The following CNTN5 variants were observed in gnomAD, a reference collection of about 807,000 sequenced individuals.
The protein encoded by CNTN5 is contactin 5, also known as contactin-5.
CNTN5 carries 77 observed loss-of-function variants against 129.1 expected under a neutral mutation model. The observed-to-expected ratio is 0.60, with a 90% CI of 0.50 to 0.72. CNTN5 has a LOEUF of 0.72. CNTN5 is among the 30% of genes least tolerant of loss of function. CNTN5 has a pLI of 0.00. For missense variants in CNTN5, 1,478 were observed against 1,328.8 expected (o/e 1.11, Z -1.75); for synonymous variants, 509 against 465.6 (o/e 1.09, Z -1.20).
In CNTN5 at chr11:100,053,505, T is replaced by C. The variant is rs367709713; in HGVS notation, c.981-7707T>C. ...GTTGTTAGTCATCAGGCAATATAAA[T>C]TGAAACCACACTTTAGTATCACTAC... On this transcript the variant is annotated intron_variant, in intron 9 of 24. Coordinates refer to ENST00000524871, the MANE Select transcript of CNTN5 (RefSeq NM_014361.4). Among the ~76,000 whole-genome samples, 6 of 151,798 alleles carry C rather than the reference T, an allele frequency of 4.0e-5. No individual in the cohort carries two copies. The East Asian group carries it at 9.7e-4, about 24-fold the overall frequency.
intron 3 of CNTN5, among the ~76,000 whole-genome samples, chr11:99,661,706 T>C (rs1032228424): frequency 2.0e-5 from 3 of 152,068 alleles, no homozygotes; most frequent in African/African-American, 4.8e-5. Flanking sequence ...TATACACATA[T>C]AGTAACTTTA....
At chr11:100,104,799 G>A (rs749338959) in intron 13 of CNTN5, among the ~76,000 whole-genome samples, 17 of 152,066 alleles carry the variant, frequency 1.1e-4, no homozygotes, top group Non-Finnish European at 1.6e-4. Flanking sequence ...ACCTGAATAT[G>A]CTTACTGTAC....
At chr11:99,948,346 C>A (rs1401015784) in intron 7 of CNTN5, among the ~76,000 whole-genome samples, 1 of 152,112 alleles carries the variant, frequency 6.6e-6, no homozygotes, top group Non-Finnish European at 1.5e-5. Flanking sequence ...GGTCTCTACC[C>A]AGCAGGCCAC....
intron 21 of CNTN5, chr11:100,337,154 C>A (rs1591525074): frequency 2.1e-6 from 3 of 1,431,448 alleles, no homozygotes; most frequent in East Asian, 4.6e-5. Flanking sequence ...ACAGCTGCAC[C>A]CATGAATGTT....
chr11:100,284,347 T>C (rs1397908240), intron 18 of CNTN5, among the ~76,000 whole-genome samples: 1 of 152,230 alleles, frequency 6.6e-6, no homozygotes, highest in Non-Finnish European at 1.5e-5. Flanking sequence ...ATCTCCTATA[T>C]TTAAGCTATA....
At chr11:100,317,676 A>C (rs958229242) in intron 21 of CNTN5, among the ~76,000 whole-genome samples, 1 of 152,220 alleles carries the variant, frequency 6.6e-6, no homozygotes, top group Non-Finnish European at 1.5e-5. Context: ...TAATATTTCA[A>C]TTGTTTAACC....
intron 3 of CNTN5, among the ~76,000 whole-genome samples, chr11:99,644,094 CAT>C: frequency 6.6e-6 from 1 of 152,312 alleles, no homozygotes; most frequent in East Asian, 1.9e-4. Flanking sequence ...CTTACACCTT[CAT>C]GTGTTAGCCT....
intron 17 of CNTN5, 66 bp downstream of exon 17, chr11:100,255,984 G>T: frequency 7.1e-7 from 1 of 1,418,314 alleles, no homozygotes; most frequent in Non-Finnish European, 9.7e-7. Context: ...GCTATATTTG[G>T]CTAAGGTCTT....
chr11:99,976,997 A>G (rs1241800880), intron 8 of CNTN5, among the ~76,000 whole-genome samples: 1 of 152,232 alleles, frequency 6.6e-6, no homozygotes, highest in Non-Finnish European at 1.5e-5. Context: ...TTGTAAACTC[A>G]TATGACTGGC....
chr11:100,181,085 A>G (rs1948126843), intron 13 of CNTN5, among the ~76,000 whole-genome samples: 1 of 152,048 alleles, frequency 6.6e-6, no homozygotes, highest in East Asian at 1.9e-4. Context: ...ACTTATGTTC[A>G]CATAAATATC....
At chr11:99,731,214 T>G (rs1943522218) in intron 3 of CNTN5, among the ~76,000 whole-genome samples, 2 of 151,946 alleles carry the variant, frequency 1.3e-5, no homozygotes, top group South Asian at 4.1e-4. Flanking sequence ...TTCACGCCAT[T>G]CTCCTGCCTC....
intron 3 of CNTN5, among the ~76,000 whole-genome samples, chr11:99,808,738 G>A (rs985725352): frequency 6.6e-6 from 1 of 151,994 alleles, no homozygotes; most frequent in Non-Finnish European, 1.5e-5. Flanking sequence ...GCCAAAGCTC[G>A]ATTCAAATTT....
At chr11:99,177,937 G>T (rs530113918) in intron 1 of CNTN5, among the ~76,000 whole-genome samples, 2 of 152,276 alleles carry the variant, frequency 1.3e-5, no homozygotes, top group South Asian at 4.1e-4. Flanking sequence ...AGCAGCAGCA[G>T]TCAACTTTGT....
At chr11:99,878,359 T>C (rs1046237540) in intron 6 of CNTN5, among the ~76,000 whole-genome samples, 1 of 152,198 alleles carries the variant, frequency 6.6e-6, no homozygotes, top group African/African-American at 2.4e-5. Flanking sequence ...GGAAAGCTAC[T>C]AATGGCATGT....
At chr11:99,721,090 C>G (rs895212958) in intron 3 of CNTN5, among the ~76,000 whole-genome samples, 3 of 152,080 alleles carry the variant, frequency 2.0e-5, no homozygotes, top group Non-Finnish European at 2.9e-5. Flanking sequence ...TTCAATGCTA[C>G]TCCTGTCAAA....
chr11:100,243,349 T>A (rs940045201), intron 16 of CNTN5, among the ~76,000 whole-genome samples: 2 of 152,174 alleles, frequency 1.3e-5, no homozygotes, highest in African/African-American at 4.8e-5. Context: ...AGTTGATACA[T>A]CAACCAGCTG....
chr11:99,310,217 C>A (rs1865051330), intron 1 of CNTN5, among the ~76,000 whole-genome samples: 1 of 152,042 alleles, frequency 6.6e-6, no homozygotes, highest in Admixed American at 6.6e-5. Context: ...ACATACAATG[C>A]TGATTAATAA....
At position 99,105,400 on chromosome 11, in the gene CNTN5, GC is replaced by G. The variant is rs1352062106; in HGVS notation, c.-210+84131del. Among the ~76,000 whole-genome samples, 3 of 152,118 alleles carry G rather than the reference GC, an allele frequency of 2.0e-5. No homozygotes were observed. The East Asian group carries it at 5.8e-4, about 29-fold the overall frequency. Reference sequence around the variant, plus strand: ...GTTATGTCCTGGACATGATAAGTGAGCTAAACTGTACTAACTACCATAAATG... The same window carrying G: ...GTTATGTCCTGGACATGATAAGTGAGTAAACTGTACTAACTACCATAAATG... On this transcript the variant is annotated intron_variant, in intron 1 of 24. Coordinates refer to ENST00000524871, the MANE Select transcript of CNTN5 (RefSeq NM_014361.4).
intron 2 of CNTN5, among the ~76,000 whole-genome samples, chr11:99,382,845 C>CATTTTTTTTTT (rs1417732458): frequency 3.2e-4 from 25 of 77,046 alleles, no homozygotes; most frequent in African/African-American, 6.8e-4. Context: ...CTCTAAATAA[C>CATTTTTTTTTT]TTTTTTTTTT....
Sources: gnomAD v4.1 joint callset for allele counts (sites outside exome capture counted in the v4.1 genomes callset) on GRCh38, gnomAD v4.1.1 for gene constraint, MANE v1.5 for transcripts, NCBI Gene and HGNC (gene_info 2026-07-23, HGNC 2026-07-21) for gene names.